The following RBKS variants were observed in gnomAD, a reference collection of about 807,000 sequenced individuals.
RBKS encodes the protein ribokinase.
A neutral mutation model predicts 33.9 loss-of-function variants in RBKS; 33 were observed. The observed-to-expected ratio is 0.97, with a 90% CI of 0.74 to 1.30. The LOEUF (loss-of-function observed/expected upper bound fraction) is 1.30, where lower values mean the gene tolerates loss of function less well. Ranked by LOEUF, RBKS falls within the 50% of genes most tolerant of loss-of-function variation. The probability of loss-of-function intolerance (pLI) is 0.00; values close to 1 mark genes in which losing one functional copy is unlikely to be tolerated. For synonymous variants in RBKS, 125 were observed against 143.0 expected (o/e 0.87, Z 0.90); for missense variants, 361 against 392.6 (o/e 0.92, Z 0.68).
At chr2:27,813,141 C>G (rs1441273109) in intron 7 of RBKS, among the ~76,000 whole-genome samples, 1 of 152,054 alleles carries the variant, frequency 6.6e-6, no homozygotes, top group African/African-American at 2.4e-5. Context: ...CCTGGGGCAG[C>G]AGGCAGAAGC....
At chr2:27,870,830 C>A in intron 1 of RBKS, 2 of 464,922 alleles carry the variant, frequency 4.3e-6, no homozygotes, top group South Asian at 3.1e-5. Flanking sequence ...TTGAACAGTT[C>A]TGCAGCTGTG....
chr2:27,865,327 C>T (rs1053988161), intron 1 of RBKS, among the ~76,000 whole-genome samples: 2 of 128,544 alleles, frequency 1.6e-5, no homozygotes, highest in Non-Finnish European at 3.2e-5. Flanking sequence ...CTCAAACAAA[C>T]AAACAAACAA....
intron 7 of RBKS, among the ~76,000 whole-genome samples, chr2:27,813,248 T>G (rs924099259): frequency 1.3e-5 from 2 of 152,120 alleles, no homozygotes; most frequent in Admixed American, 1.3e-4. Context: ...AGCCCGCAAT[T>G]ATAAAACATG....
rs781381648 is a variant in RBKS at position 27,858,473 on chromosome 2, G to A, written c.188C>T (p.Ala63Val). Residue 63 changes from alanine to valine, a missense_variant, in exon 2 of 8, where the codon GCT becomes GTT. Coordinates refer to ENST00000302188, the MANE Select transcript of RBKS (RefSeq NM_022128.3). ...GKGANQCVQA[A>V]RLGAMTSMVC... ...CATGGACGTCATTGCTCCAAGCCGA[G>A]CAGCTTGGACACACTGGTTGGCACC... is the stretch of plus-strand genomic sequence containing the variant. 1.1e-5 allele frequency: 17 copies of A among 1,614,044 alleles called. No homozygotes were observed. Among genetic ancestry groups the A allele is most frequent in the Middle Eastern group, 3.3e-4 (2 of 6,062 alleles).
chr2:27,876,892 T>C (rs1664325518), intron 1 of RBKS, among the ~76,000 whole-genome samples: 2 of 152,166 alleles, frequency 1.3e-5, no homozygotes, highest in Admixed American at 6.5e-5. Context: ...ATATTGATAA[T>C]TGCAATATTA....
At chr2:27,797,213 G>C (rs1677682571) in intron 7 of RBKS, among the ~76,000 whole-genome samples, 1 of 152,162 alleles carries the variant, frequency 6.6e-6, no homozygotes, top group Admixed American at 6.5e-5. Flanking sequence ...GGCTTATTTG[G>C]GGCTGCGGTG....
intron 6 of RBKS, among the ~76,000 whole-genome samples, chr2:27,828,886 AT>A (rs950648034): frequency 7.2e-5 from 11 of 151,984 alleles, no homozygotes; most frequent in African/African-American, 2.7e-4. Flanking sequence ...TATTTAAAGT[AT>A]TTTTTGCATT....
chr2:27,789,868 A>ATGTGTGTG (rs112593610), intron 7 of RBKS, among the ~76,000 whole-genome samples: 5 of 131,078 alleles, frequency 3.8e-5, no homozygotes, highest in African/African-American at 1.4e-4. Context: ...TGGCCAGCTG[A>ATGTGTGTG]TGTGTGTGTG....
intron 2 of RBKS, among the ~76,000 whole-genome samples, chr2:27,857,555 A>T (rs1663882035): frequency 6.6e-6 from 1 of 152,244 alleles, no homozygotes; most frequent in Non-Finnish European, 1.5e-5. Flanking sequence ...CAGCATTAGA[A>T]GAAAATGACT....
intron 1 of RBKS, chr2:27,870,558 G>A: frequency 2.9e-6 from 1 of 347,708 alleles, no homozygotes; most frequent in Non-Finnish European, 5.7e-6. Flanking sequence ...TGTGCGAAGA[G>A]ACGTGAGTTA....
chr2:27,826,846 C>T (rs1678322605), intron 7 of RBKS, among the ~76,000 whole-genome samples: 1 of 152,190 alleles, frequency 6.6e-6, no homozygotes, highest in African/African-American at 2.4e-5. Context: ...GTCCTCAGCA[C>T]AGTACCTTAC....
intron 1 of RBKS, among the ~76,000 whole-genome samples, chr2:27,868,579 A>T (rs1382551815): frequency 6.6e-6 from 1 of 152,214 alleles, no homozygotes; most frequent in Non-Finnish European, 1.5e-5. Flanking sequence ...CATTTATATA[A>T]GAGCATAAGA....
At chr2:27,782,413 G>A (rs1573027769) in intron 7 of RBKS, among the ~76,000 whole-genome samples, 1 of 152,162 alleles carries the variant, frequency 6.6e-6, no homozygotes, top group African/African-American at 2.4e-5. Flanking sequence ...TGAACTGCTG[G>A]CCTCAAGCAA....
intron 1 of RBKS, among the ~76,000 whole-genome samples, chr2:27,885,889 T>C (rs1014551090): frequency 2.6e-5 from 4 of 152,180 alleles, no homozygotes; most frequent in African/African-American, 9.7e-5. Context: ...AAATGGGTGA[T>C]ACAGGTCATA....
rs138100405 is a variant in RBKS at position 27,843,116 on chromosome 2, T to C, written c.465A>G (p.Ile155Met). Residue 155 changes from isoleucine (I) to methionine (M), a missense_variant, in exon 5 of 8, where the codon ATA (isoleucine) becomes ATG (methionine). Transcript: ENST00000302188. ...RAKVMVCQLE[I>M]TPATSLEALT... ...GGGCTTCCAAAGAAGTTGCTGGAGTTATTTCGAGCTGGCAGACCATGACTT... is the reference window on the plus strand; with the variant it reads ...GGGCTTCCAAAGAAGTTGCTGGAGTCATTTCGAGCTGGCAGACCATGACTT... 1 of 1,610,894 alleles carries C rather than the reference T, an allele frequency of 6.2e-7. No homozygotes were observed. The highest frequency in any genetic ancestry group is 1.3e-5 in the African/African-American group (1 of 74,798).
At chr2:27,829,990 A>G (rs190739207) in intron 6 of RBKS, among the ~76,000 whole-genome samples, 8 of 152,030 alleles carry the variant, frequency 5.3e-5, no homozygotes, top group Admixed American at 3.9e-4. Context: ...TAAATGGCAC[A>G]CTTTTAGTAT....
Position 27,797,711 on chromosome 2 carries a change from C to G in RBKS, c.796-15923G>C, listed in dbSNP as rs544427842. Among the ~76,000 whole-genome samples, 7 of 152,176 alleles carry G rather than the reference C, an allele frequency of 4.6e-5. No homozygotes were observed. In the South Asian group the frequency reaches 1.2e-3, roughly 27 times the overall value. Reference sequence around the variant, plus strand: ...GGCAGGAGCAGAGAACATGAACTAGCGTTGTCCTGGGCAGGTGTGGGAGAG... The same window carrying G: ...GGCAGGAGCAGAGAACATGAACTAGGGTTGTCCTGGGCAGGTGTGGGAGAG... On this transcript the variant is annotated intron_variant, in intron 7 of 7. Coordinates refer to ENST00000302188, the MANE Select transcript of RBKS (RefSeq NM_022128.3).
At chr2:27,846,637 AAT>A (rs1663625073) in intron 4 of RBKS, among the ~76,000 whole-genome samples, 1 of 152,222 alleles carries the variant, frequency 6.6e-6, no homozygotes, top group African/African-American at 2.4e-5. Context: ...ATATTCTATA[AAT>A]ATGACTCATC....
intron 7 of RBKS, among the ~76,000 whole-genome samples, chr2:27,824,618 C>A (rs188293475): frequency 4.6e-4 from 70 of 152,308 alleles, no homozygotes; most frequent in African/African-American, 1.6e-3. Flanking sequence ...GTTTATCCAT[C>A]ATCTGCTGAT....
Sources: allele counts gnomAD v4.1 joint callset (sites outside exome capture counted in the v4.1 genomes callset), GRCh38; gene constraint gnomAD v4.1.1; transcripts MANE v1.5; gene names NCBI Gene and HGNC (gene_info 2026-07-23, HGNC 2026-07-21).